Variants in LRRC37A2 observed in about 807,000 individuals in gnomAD.
LRRC37A2 encodes the protein leucine-rich repeat-containing protein 37A2.
Under a neutral mutation model 68.8 loss-of-function variants are expected in LRRC37A2, and 9 were observed. That is an observed-to-expected ratio of 0.13 (90% CI 0.08 to 0.23). The LOEUF (loss-of-function observed/expected upper bound fraction) is 0.23, where lower values mean the gene tolerates loss of function less well. Among genes scored for constraint, LRRC37A2 ranks in the 10% least tolerant of loss-of-function variants. The probability of loss-of-function intolerance (pLI) is 1.00; values close to 1 mark genes in which losing one functional copy is unlikely to be tolerated. For missense variants in LRRC37A2, 168 were observed against 950.4 expected, an observed-to-expected ratio of 0.18 and a Z score of 10.82; for synonymous variants, 63 against 367.6, an observed-to-expected ratio of 0.17 and a Z score of 9.48.
At chr17:46,770,663 C>T in the LRRC37A2 span, among the ~76,000 whole-genome samples, 3 of 152,178 alleles carry the variant, frequency 2.0e-5, no homozygotes, top group Admixed American at 6.5e-5. Flanking sequence ...CTCAGTCTCC[C>T]CATCCCCATT....
the LRRC37A2 span, among the ~76,000 whole-genome samples, chr17:46,392,422 T>TC: frequency 1.7e-4 from 9 of 51,918 alleles, 1 homozygote; most frequent in East Asian, 5.9e-4. Flanking sequence ...TCTCTCTCTC[T>TC]TTCTTTCTCT....
At chr17:46,501,219 A>G in the LRRC37A2 span, among the ~76,000 whole-genome samples, 2 of 151,132 alleles carry the variant, frequency 1.3e-5, no homozygotes, top group African/African-American at 2.5e-5. Flanking sequence ...TCTGTTGCCT[A>G]GGCTGGAGGG....
chr17:46,980,367 TCTTC>T, the LRRC37A2 span, among the ~76,000 whole-genome samples: 108 of 93,188 alleles, frequency 1.2e-3, no homozygotes, highest in African/African-American at 4.5e-3. Context: ...TCTTTCTTTC[TCTTC>T]TTCTTTCTCT....
At chr17:46,710,789 A>G in the LRRC37A2 span, among the ~76,000 whole-genome samples, 1 of 151,556 alleles carries the variant, frequency 6.6e-6, no homozygotes. Context: ...TTTTTTTCCT[A>G]TTGGGAAAAA....
chr17:46,900,202 T>TATATACACACACAC, the LRRC37A2 span, among the ~76,000 whole-genome samples: 12 of 101,168 alleles, frequency 1.2e-4, 1 homozygote, highest in African/African-American at 6.1e-4. Context: ...TATATATATA[T>TATATACACACACAC]ACACACACAC....
chr17:46,722,189 G>A, the LRRC37A2 span: 12 of 1,601,098 alleles, frequency 7.5e-6, no homozygotes, highest in South Asian at 1.2e-4. Flanking sequence ...GGGAGAACTT[G>A]CAGCGCCTGC....
chr17:46,942,020 AC>A, the LRRC37A2 span: 1 of 910,006 alleles, frequency 1.1e-6, no homozygotes, highest in Non-Finnish European at 1.3e-6. Flanking sequence ...TTTATATCCT[AC>A]CTTAGTCCAA....
At chr17:46,472,914 C>CA in the LRRC37A2 span, among the ~76,000 whole-genome samples, 66 of 52,190 alleles carry the variant, frequency 1.3e-3, 4 homozygotes, top group Middle Eastern at 0.029. Context: ...GACTCCGTCT[C>CA]AAAAAAAAAA....
the LRRC37A2 span, among the ~76,000 whole-genome samples, chr17:47,001,718 T>A: frequency 1.4e-5 from 1 of 73,776 alleles, no homozygotes; most frequent in Non-Finnish European, 2.9e-5. Context: ...TCTTTTTTCC[T>A]TTTTTTTTTT....
the LRRC37A2 span, among the ~76,000 whole-genome samples, chr17:46,900,932 G>A: frequency 6.6e-6 from 1 of 152,196 alleles, no homozygotes; most frequent in Admixed American, 6.5e-5. Flanking sequence ...TTCTAGTGGG[G>A]AGGGGAGGTG....
the LRRC37A2 span, among the ~76,000 whole-genome samples, chr17:46,779,077 A>ACACACACACACC: frequency 7.6e-5 from 11 of 145,672 alleles, no homozygotes; most frequent in Non-Finnish European, 1.6e-4. Context: ...ACACACACAC[A>ACACACACACACC]CACACACACA....
the LRRC37A2 span, among the ~76,000 whole-genome samples, chr17:46,794,178 C>T: frequency 6.6e-6 from 1 of 151,950 alleles, no homozygotes; most frequent in Middle Eastern, 3.2e-3. Context: ...GGTGGATAAA[C>T]CACAAGACCT....
chr17:46,943,662 C>T, the LRRC37A2 span, among the ~76,000 whole-genome samples: 1 of 152,226 alleles, frequency 6.6e-6, no homozygotes, highest in Non-Finnish European at 1.5e-5. Context: ...GCACTTGAGC[C>T]CATCCCCCAT....
At chr17:47,004,082 G>A in the LRRC37A2 span, among the ~76,000 whole-genome samples, 70,019 of 151,990 alleles carry the variant, frequency 0.46, 16,554 homozygotes, top group Non-Finnish European at 0.52. Context: ...AGTATTCCAT[G>A]GCGTATATGT....
the LRRC37A2 span, among the ~76,000 whole-genome samples, chr17:46,873,147 T>C: frequency 2.1e-4 from 32 of 149,478 alleles, no homozygotes; most frequent in Non-Finnish European, 3.4e-4. Context: ...ACAAGGCACA[T>C]GAAGACGTGA....
At chr17:46,405,514 G>A in the LRRC37A2 span, among the ~76,000 whole-genome samples, 1 of 45,580 alleles carries the variant, frequency 2.2e-5, no homozygotes, top group East Asian at 3.2e-4. Flanking sequence ...CAAGGTGGGC[G>A]GATCGTGAGG....
At chr17:46,945,933 G>A in the LRRC37A2 span, among the ~76,000 whole-genome samples, 38 of 152,146 alleles carry the variant, frequency 2.5e-4, 1 homozygote, top group Non-Finnish European at 4.1e-4. Flanking sequence ...TATAAATTCC[G>A]TGTCCATGGT....
chr17:46,978,774 A>G, the LRRC37A2 span: 1 of 1,612,528 alleles, frequency 6.2e-7, no homozygotes, highest in African/African-American at 1.3e-5. Context: ...AGACCACGGT[A>G]AGCGACAGCA....
At chr17:46,767,455 G>A in the LRRC37A2 span, among the ~76,000 whole-genome samples, 2 of 152,198 alleles carry the variant, frequency 1.3e-5, no homozygotes, top group South Asian at 4.1e-4. Flanking sequence ...CTAAGTTCAA[G>A]GTGGATGCAC....
Sources: gnomAD v4.1 joint callset for allele counts (sites outside exome capture counted in the v4.1 genomes callset) on GRCh38, gnomAD v4.1.1 for gene constraint, MANE v1.5 for transcripts, NCBI Gene and HGNC (gene_info 2026-07-23, HGNC 2026-07-21) for gene names.